Variants in GALNT16 observed in about 807,000 individuals in gnomAD.
GALNT16 encodes polypeptide N-acetylgalactosaminyltransferase 16.
A neutral mutation model predicts 76.1 loss-of-function variants in GALNT16; 40 were observed. The ratio of observed to expected loss-of-function variants is 0.53; its 90% CI spans 0.41 to 0.68. The LOEUF (loss-of-function observed/expected upper bound fraction) is 0.68, where lower values mean the gene tolerates loss of function less well. Among genes scored for constraint, GALNT16 ranks in the 30% least tolerant of loss-of-function variants. The pLI is 0.00. For missense variants in GALNT16, 621 were observed against 731.9 expected (o/e 0.85, Z 1.75); for synonymous variants, 276 against 285.2 (o/e 0.97, Z 0.32).
intron 1 of GALNT16, among the ~76,000 whole-genome samples, chr14:69,276,425 G>C (rs1443613562): frequency 2.6e-5 from 4 of 152,180 alleles, no homozygotes; most frequent in Non-Finnish European, 5.9e-5. Flanking sequence ...GCGCACGCCT[G>C]TAATCCCAGC....
chr14:69,382,909 G>A, the GALNT16 span, among the ~76,000 whole-genome samples: 17 of 152,070 alleles, frequency 1.1e-4, no homozygotes, highest in African/African-American at 4.1e-4. Flanking sequence ...AAAATGCCTA[G>A]TCATTGGCAC....
intron 6 of GALNT16, among the ~76,000 whole-genome samples, 191 bp from the exon 7 acceptor site, chr14:69,331,273 C>G (rs2045348241): frequency 6.6e-6 from 1 of 152,160 alleles, no homozygotes; most frequent in African/African-American, 2.4e-5. Flanking sequence ...TAGGAACATC[C>G]AGGAGCTTGG....
At position 69,307,251 on chromosome 14, in the gene GALNT16, A is replaced by G. The variant is rs557169866; in HGVS notation, c.178-13460A>G. ...GTGGAGCGTAGGTCTCTGGGGCGCA[A>G]TGAACACACTTTTTCACGTGACAAA... On this transcript the variant is annotated intron_variant, in intron 1 of 14. Coordinates refer to ENST00000448469, the MANE Select transcript of GALNT16 (RefSeq NM_001168368.2). 5.3e-5 allele frequency among the ~76,000 whole-genome samples: 8 copies of G among 152,266 alleles called. No individual in the cohort carries two copies. The East Asian group carries it at 7.7e-4, about 15-fold the overall frequency.
intron 1 of GALNT16, among the ~76,000 whole-genome samples, chr14:69,265,905 C>CT (rs1332582625): frequency 6.6e-6 from 1 of 152,244 alleles, no homozygotes; most frequent in Non-Finnish European, 1.5e-5. Flanking sequence ...ACTGTATACT[C>CT]TGTTATGTTG....
downstream of GALNT16, among the ~76,000 whole-genome samples, chr14:69,360,377 A>G (rs983707712): frequency 3.3e-5 from 5 of 151,470 alleles, no homozygotes; most frequent in Admixed American, 1.3e-4. Flanking sequence ...AAAAAAGAAG[A>G]GGCCGATTAG....
chr14:69,303,477 A>G (rs1197210635), intron 1 of GALNT16, among the ~76,000 whole-genome samples: 1 of 152,194 alleles, frequency 6.6e-6, no homozygotes, highest in Non-Finnish European at 1.5e-5. Context: ...TAAGCTGTAC[A>G]CTAGGCCCAT....
At chr14:69,303,362 T>C (rs1480063571) in intron 1 of GALNT16, among the ~76,000 whole-genome samples, 1 of 152,032 alleles carries the variant, frequency 6.6e-6, no homozygotes, top group African/African-American at 2.4e-5. Flanking sequence ...GGGTCAGGGA[T>C]CAGGGCTGAT....
chr14:69,312,293 C>T (rs971871534), intron 1 of GALNT16, among the ~76,000 whole-genome samples: 7 of 152,056 alleles, frequency 4.6e-5, no homozygotes, highest in Non-Finnish European at 5.9e-5. Flanking sequence ...AGTCCGTGTT[C>T]GATAGATACT....
At chr14:69,323,724 G>C (rs2045237002) in intron 2 of GALNT16, among the ~76,000 whole-genome samples, 1 of 152,062 alleles carries the variant, frequency 6.6e-6, no homozygotes, top group South Asian at 2.1e-4. Flanking sequence ...ATTTCCCCCA[G>C]GGGGGTCCCA....
At chr14:69,309,216 G>T (rs2044980230) in intron 1 of GALNT16, among the ~76,000 whole-genome samples, 1 of 151,850 alleles carries the variant, frequency 6.6e-6, no homozygotes, top group South Asian at 2.1e-4. Flanking sequence ...GGCAAGATAT[G>T]GGGAAAGGGG....
intron 1 of GALNT16, among the ~76,000 whole-genome samples, chr14:69,318,213 C>T (rs141713725): frequency 9.5e-4 from 144 of 152,314 alleles, no homozygotes; most frequent in African/African-American, 3.2e-3. Flanking sequence ...TTGGACCACC[C>T]AGAGAGTATG....
At chr14:69,291,742 G>A (rs1204662938) in intron 1 of GALNT16, among the ~76,000 whole-genome samples, 6 of 152,204 alleles carry the variant, frequency 3.9e-5, no homozygotes, top group Non-Finnish European at 7.3e-5. Context: ...TTCACTAGCT[G>A]CGTTGCCTCC....
intron 1 of GALNT16, among the ~76,000 whole-genome samples, chr14:69,272,161 G>A (rs150948836): frequency 1.6e-3 from 246 of 152,178 alleles, no homozygotes; most frequent in Middle Eastern, 0.01. Flanking sequence ...AGGAGTTCAA[G>A]ACCAGCCTGG....
At chr14:69,312,094 T>TATC (rs1217809933) in intron 1 of GALNT16, among the ~76,000 whole-genome samples, 1 of 150,368 alleles carries the variant, frequency 6.7e-6, no homozygotes, top group African/African-American at 2.4e-5. Context: ...TCTATCTATC[T>TATC]ATCTATCTAT....
the GALNT16 span, chr14:69,380,591 T>C: frequency 6.2e-7 from 1 of 1,611,518 alleles, no homozygotes; most frequent in Non-Finnish European, 8.5e-7. Flanking sequence ...ATCTTCTCTT[T>C]AATCCAGTCT....
At chr14:69,321,393 C>T (rs756838887) in intron 2 of GALNT16, among the ~76,000 whole-genome samples, 1 of 152,228 alleles carries the variant, frequency 6.6e-6, no homozygotes, top group African/African-American at 2.4e-5. Context: ...CCTCCACTCT[C>T]ATCCCAGCTC....
intron 6 of GALNT16, 38 bp downstream of exon 6, chr14:69,328,609 G>A: frequency 6.3e-7 from 1 of 1,597,270 alleles, no homozygotes; most frequent in Non-Finnish European, 8.5e-7. Flanking sequence ...CGTCCTTGGG[G>A]ACTCAGCCAC....
chr14:69,327,728 CA>C (rs899470951), intron 5 of GALNT16, among the ~76,000 whole-genome samples: 2 of 152,202 alleles, frequency 1.3e-5, no homozygotes, highest in African/African-American at 4.8e-5. Context: ...ACAGGGCACA[CA>C]TGGCCACTCT....
chr14:69,382,006 G>A, the GALNT16 span, among the ~76,000 whole-genome samples: 13 of 152,172 alleles, frequency 8.5e-5, no homozygotes, highest in African/African-American at 3.1e-4. Context: ...TTTCATAAAT[G>A]AGAAACCAAG....
Sources: allele counts gnomAD v4.1 joint callset (sites outside exome capture counted in the v4.1 genomes callset), GRCh38; gene constraint gnomAD v4.1.1; transcripts MANE v1.5; gene names NCBI Gene and HGNC (gene_info 2026-07-23, HGNC 2026-07-21).